The following ARL8B variants were observed in gnomAD, a reference collection of about 807,000 sequenced individuals.
The protein encoded by ARL8B is ARF like GTPase 8B.
In ARL8B, 9 loss-of-function variants were observed where a neutral mutation model predicts 30.6. The ratio of observed to expected loss-of-function variants is 0.29; its 90% CI spans 0.18 to 0.51. ARL8B has a LOEUF of 0.51. Ranked by LOEUF, ARL8B falls within the 20% of genes least tolerant of loss-of-function variation. The pLI, the probability that ARL8B is intolerant of heterozygous loss-of-function variation, is 0.97. For synonymous variants in ARL8B, 74 were observed against 76.0 expected (o/e 0.97, Z 0.14); for missense variants, 130 against 227.2 (o/e 0.57, Z 2.75).
At chr3:5,152,226 C>T (rs191728748) in intron 1 of ARL8B, among the ~76,000 whole-genome samples, 1 of 152,070 alleles carries the variant, frequency 6.6e-6, no homozygotes, top group African/African-American at 2.4e-5. Context: ...TATTTCAATT[C>T]TATCAATTTT....
Position 5,172,174 on chromosome 3 carries a change from C to A in ARL8B, c.229C>A (p.Arg77=), listed in dbSNP as rs777138304. 1.2e-6 allele frequency: 2 copies of A among 1,613,556 alleles called. No individual in the cohort carries two copies. Among genetic ancestry groups the A allele is most frequent in the Non-Finnish European group, 1.7e-6 (2 of 1,179,710 alleles). ...IKIWDIGGQP[R]FRSMWERYCR... The stretch of plus-strand genomic sequence containing the variant: ...GATCTGGGACATAGGAGGACAACCC[C>A]GATTTCGAAGCATGTGGGAGCGGTA... Residue 77 remains arginine, a synonymous_variant, in exon 3 of 7, where the codon CGA becomes AGA. Transcript: ENST00000256496.
In ARL8B at chr3:5,122,525, G is replaced by C; in HGVS notation, c.60G>C (p.Glu20Asp). 1 of 1,613,362 alleles carries C rather than the reference G, an allele frequency of 6.2e-7. No homozygotes were observed. Among genetic ancestry groups the C allele is most frequent in the Non-Finnish European group, 8.5e-7 (1 of 1,179,660 alleles). The change falls in exon 1 of 7, where the codon GAG becomes GAC. Residue 20 changes from glutamate to aspartate, a missense_variant. Coordinates refer to ENST00000256496, the MANE Select transcript of ARL8B (RefSeq NM_018184.3). ...DWFRSLFWKE[E>D]MELTLVGLQY... ...TCCGTTCGCTCTTCTGGAAGGAAGA[G>C]ATGGAGCTGACGCTCGTGGGGCTGC...
intron 1 of ARL8B, among the ~76,000 whole-genome samples, chr3:5,169,147 G>A (rs1452786137): frequency 2.0e-5 from 3 of 152,080 alleles, no homozygotes; most frequent in Non-Finnish European, 4.4e-5. Flanking sequence ...CAATTCAGTA[G>A]TGTTAAGTAC....
rs575201045 is a variant in ARL8B, at chr3:5,180,546, G to A, written c.*1833G>A. 33 of 152,790 alleles carry A rather than the reference G, an allele frequency of 2.2e-4. No homozygotes were observed. Among genetic ancestry groups the A allele is most frequent in the African/African-American group, 7.5e-4 (31 of 41,582 alleles). 9.5% of individuals were successfully genotyped at this position (152,790 alleles called of 1,614,324 possible). A position where few individuals can be genotyped will look rare whatever the true frequency, so the allele number is the denominator to read the frequency against. On this transcript the variant is annotated 3_prime_UTR_variant, in exon 7 of 7. Transcript: ENST00000256496. ...TATAGCTAAACCTTAATGTGTTTGT[G>A]TGTCTATACATTGCTTTCCGCATTT... is the stretch of plus-strand genomic sequence containing the variant.
At chr3:5,168,469 G>A (rs553726464) in intron 1 of ARL8B, among the ~76,000 whole-genome samples, 4 of 152,220 alleles carry the variant, frequency 2.6e-5, no homozygotes, top group Admixed American at 6.5e-5. Context: ...GCTAATTTTC[G>A]GTTTTTGCAT....
chr3:5,148,966 A>C (rs1459414763), intron 1 of ARL8B, among the ~76,000 whole-genome samples: 1 of 152,050 alleles, frequency 6.6e-6, no homozygotes, highest in Non-Finnish European at 1.5e-5. Flanking sequence ...TCTATGTCTG[A>C]GCTTTCTTCC....
rs557137642 is a variant in ARL8B, at chr3:5,144,862, G to T, written c.123+22274G>T. On this transcript the variant is annotated intron_variant, in intron 1 of 6. Coordinates refer to ENST00000256496, the MANE Select transcript of ARL8B (RefSeq NM_018184.3). ...CCCCATGTACCAATTCTTTTCCCCTGCTATTTATTAGGCCCTGCACTGTCC... is the reference window on the plus strand; with the variant it reads ...CCCCATGTACCAATTCTTTTCCCCTTCTATTTATTAGGCCCTGCACTGTCC... 4.6e-5 allele frequency among the ~76,000 whole-genome samples: 7 copies of T among 152,230 alleles called. No homozygotes were observed. In the South Asian group the frequency reaches 1.5e-3, roughly 32 times the overall value.
At chr3:5,149,822 C>T (rs984519890) in intron 1 of ARL8B, among the ~76,000 whole-genome samples, 6 of 152,218 alleles carry the variant, frequency 3.9e-5, no homozygotes, top group Middle Eastern at 3.4e-3. Flanking sequence ...TTTCTCACAC[C>T]CCTAATCCCT....
chr3:5,171,945 A>G (rs529646540), intron 2 of ARL8B, among the ~76,000 whole-genome samples: 1 of 152,272 alleles, frequency 6.6e-6, no homozygotes, highest in Admixed American at 6.5e-5. Flanking sequence ...TTGTAAATGT[A>G]TTAAATACGG....
intron 1 of ARL8B, 85 bp downstream of exon 1, chr3:5,122,673 C>G: frequency 6.9e-7 from 1 of 1,456,470 alleles, no homozygotes; most frequent in Non-Finnish European, 9.2e-7. Context: ...TTGGGGCCCC[C>G]CTCGGCGCGA....
At chr3:5,173,928 TAAC>T in intron 4 of ARL8B, 86 bp from the exon 5 acceptor site, 1 of 985,422 alleles carries the variant, frequency 1.0e-6, no homozygotes, top group East Asian at 2.4e-5. Context: ...GTTAACATCT[TAAC>T]TTTGTGTCTT....
intron 1 of ARL8B, among the ~76,000 whole-genome samples, chr3:5,125,315 T>A (rs2106550380): frequency 6.6e-6 from 1 of 152,296 alleles, no homozygotes; most frequent in South Asian, 2.1e-4. Flanking sequence ...GAACGATGGC[T>A]TGAAAAATAC....
intron 1 of ARL8B, among the ~76,000 whole-genome samples, chr3:5,152,828 T>TA (rs1180690560): frequency 1.3e-5 from 2 of 152,094 alleles, no homozygotes; most frequent in Non-Finnish European, 2.9e-5. Flanking sequence ...TGGGTCTTTT[T>TA]AAAAAAATAC....
At chr3:5,127,961 G>A (rs892411928) in intron 1 of ARL8B, among the ~76,000 whole-genome samples, 9 of 149,608 alleles carry the variant, frequency 6.0e-5, no homozygotes, top group African/African-American at 1.7e-4. Flanking sequence ...AGGCCAAGGC[G>A]GCCGGATCAT....
At chr3:5,155,525 C>G (rs1575568458) in intron 1 of ARL8B, among the ~76,000 whole-genome samples, 1 of 152,256 alleles carries the variant, frequency 6.6e-6, no homozygotes. Context: ...AGGACTTCCA[C>G]AGTGTGCATG....
Position 5,167,244 on chromosome 3 carries a change from A to G in ARL8B, c.124-3259A>G, listed in dbSNP as rs115858096. 9.1e-3 allele frequency among the ~76,000 whole-genome samples: 1,385 copies of G among 152,314 alleles called. 19 individuals carry two copies. The highest frequency in any genetic ancestry group is 0.031 in the African/African-American group (1,301 of 41,560). On this transcript the variant is annotated intron_variant, in intron 1 of 6. Transcript: ENST00000256496. ...GCTCCATCTGCCATCACAGAATCAC[A>G]GCGAGTGCCACGTGTGATCATGGCA...
intron 5 of ARL8B, 79 bp from the exon 6 acceptor site, chr3:5,174,265 C>A: frequency 8.6e-7 from 1 of 1,169,502 alleles, no homozygotes; most frequent in Non-Finnish European, 1.3e-6. Context: ...AGTAATAAAA[C>A]TAATGAGTAA....
At chr3:5,137,637 C>T (rs2054339351) in intron 1 of ARL8B, among the ~76,000 whole-genome samples, 1 of 152,098 alleles carries the variant, frequency 6.6e-6, no homozygotes, top group Non-Finnish European at 1.5e-5. Context: ...CAGGGTTTCA[C>T]CATGTTGATC....
At chr3:5,150,579 T>TC (rs1239702209) in intron 1 of ARL8B, among the ~76,000 whole-genome samples, 4 of 151,678 alleles carry the variant, frequency 2.6e-5, no homozygotes, top group Non-Finnish European at 1.5e-5. Context: ...GGTCAGGAGT[T>TC]CAAGACCAGC....
Sources: gnomAD v4.1 joint callset for allele counts (sites outside exome capture counted in the v4.1 genomes callset) on GRCh38, gnomAD v4.1.1 for gene constraint, MANE v1.5 for transcripts, NCBI Gene and HGNC (gene_info 2026-07-23, HGNC 2026-07-21) for gene names.